The following DOCK8 variants were observed in gnomAD, a reference collection of about 807,000 sequenced individuals.
The protein encoded by DOCK8 is dedicator of cytokinesis 8, also known as dedicator of cytokinesis protein 8.
In DOCK8, 141 loss-of-function variants were observed where a neutral mutation model predicts 245.6. That is an observed-to-expected ratio of 0.57 (90% CI 0.50 to 0.66). The LOEUF (loss-of-function observed/expected upper bound fraction) is 0.66. Among genes scored for constraint, DOCK8 ranks in the 30% least tolerant of loss-of-function variants. The probability of loss-of-function intolerance (pLI) is 0.00; values close to 1 mark genes in which losing one functional copy is unlikely to be tolerated. For missense variants in DOCK8, 2,965 were observed against 2,603.4 expected (o/e 1.14, Z -3.02); for synonymous variants, 1,168 against 970.2 (o/e 1.20, Z -3.79).
chr9:349,239 A>T (rs185522904), intron 14 of DOCK8, among the ~76,000 whole-genome samples: 1 of 152,248 alleles, frequency 6.6e-6, no homozygotes. Context: ...ATCAGATGTC[A>T]TGTGTCTTTT....
At chr9:360,384 C>T (rs953717215) in intron 14 of DOCK8, among the ~76,000 whole-genome samples, 2 of 151,824 alleles carry the variant, frequency 1.3e-5, no homozygotes, top group Admixed American at 1.3e-4. Flanking sequence ...TACCCTTCCC[C>T]GAATATCCAT....
intron 1 of DOCK8, among the ~76,000 whole-genome samples, chr9:230,680 T>A (rs2047094271): frequency 6.6e-6 from 1 of 151,514 alleles, no homozygotes; most frequent in Non-Finnish European, 1.5e-5. Flanking sequence ...CATGTGTTTT[T>A]TGGCTGCATA....
chr9:290,235 C>A (rs1392785212), intron 4 of DOCK8, among the ~76,000 whole-genome samples: 2 of 152,012 alleles, frequency 1.3e-5, no homozygotes, highest in African/African-American at 4.8e-5. Flanking sequence ...TGTGGCCCAA[C>A]ACAAATTCAT....
At chr9:450,041 A>G in intron 45 of DOCK8, 114 bp downstream of exon 45, 1 of 1,213,288 alleles carries the variant, frequency 8.2e-7, no homozygotes, top group Non-Finnish European at 1.2e-6. Flanking sequence ...AGACAAACAC[A>G]GAAATGTTCC....
chr9:456,014 A>G (rs2057629302), intron 46 of DOCK8, among the ~76,000 whole-genome samples: 1 of 152,208 alleles, frequency 6.6e-6, no homozygotes, highest in Non-Finnish European at 1.5e-5. Context: ...GCTACAGACA[A>G]AACAGTACTG....
chr9:267,143 CT>C (rs929830611), intron 1 of DOCK8, among the ~76,000 whole-genome samples: 126 of 152,334 alleles, frequency 8.3e-4, no homozygotes, highest in African/African-American at 2.8e-3. Context: ...ATTTACATAA[CT>C]TTTAAACATC....
chr9:371,542 C>G lies in DOCK8; in HGVS notation c.1983C>G (p.Ser661=), dbSNP rs527914737. 1.1e-5 allele frequency: 17 copies of G among 1,614,198 alleles called. No individual in the cohort carries two copies. The African/African-American group carries it at 1.2e-4, about 11-fold the overall frequency. ...HISCQQKQGA[S]VETLLGYSWL... ...GCTGTCAGCAGAAGCAAGGAGCCTC[C>G]GTGGAAACTCTCCTGGGATATTCAG... The change falls in exon 17 of 48, where the codon TCC becomes TCG. Residue 661 remains serine (S), a synonymous_variant. Coordinates refer to ENST00000432829, the MANE Select transcript of DOCK8 (RefSeq NM_203447.4).
At chr9:305,517 C>T (rs1362485069) in intron 5 of DOCK8, among the ~76,000 whole-genome samples, 2 of 152,116 alleles carry the variant, frequency 1.3e-5, no homozygotes, top group African/African-American at 4.8e-5. Flanking sequence ...GATCTCCTGA[C>T]CTTGTGATCC....
intron 26 of DOCK8, among the ~76,000 whole-genome samples, chr9:400,382 T>C (rs1443637686): frequency 2.3e-3 from 20 of 8,582 alleles, no homozygotes; most frequent in Non-Finnish European, 3.5e-3. Context: ...TCCTTCACCA[T>C]CACCATCACC....
At chr9:271,053 A>C (rs928944767) in intron 1 of DOCK8, among the ~76,000 whole-genome samples, 1 of 152,224 alleles carries the variant, frequency 6.6e-6, no homozygotes, top group African/African-American at 2.4e-5. Flanking sequence ...AGCATTGTCC[A>C]CATGGGTGAT....
chr9:451,660 CATTTATACTTCT>C (rs1449112609), intron 45 of DOCK8, among the ~76,000 whole-genome samples: 2 of 151,836 alleles, frequency 1.3e-5, no homozygotes, highest in African/African-American at 2.4e-5. Context: ...AGGGAAAATA[CATTTATACTTCT>C]GAGTGTTCCT....
rs949308505 is a variant in DOCK8, at chr9:439,132, G to A, written c.5080-113G>A. On this transcript the variant is annotated intron_variant, in intron 39 of 47. Transcript: ENST00000432829. ...AGAATTACAGACCTAGTTTAGTCACGGTCTTGGTAAGGATCTGCACACCAG... is the reference window on the plus strand; with the variant it reads ...AGAATTACAGACCTAGTTTAGTCACAGTCTTGGTAAGGATCTGCACACCAG... 2.1e-5 allele frequency: 28 copies of A among 1,365,456 alleles called. 1 individual carries two copies. In the Middle Eastern group the frequency reaches 9.1e-4, roughly 44 times the overall value. The allele number at this position is 1,365,456 out of a possible 1,614,324, so 84.6% of individuals were successfully genotyped here.
At chr9:297,645 T>TA (rs2049321309) in intron 4 of DOCK8, among the ~76,000 whole-genome samples, 3 of 152,210 alleles carry the variant, frequency 2.0e-5, no homozygotes, top group Non-Finnish European at 4.4e-5. Flanking sequence ...GCAGTCTCAC[T>TA]GCCTACCCAG....
At chr9:283,812 G>A (rs2048698078) in intron 2 of DOCK8, among the ~76,000 whole-genome samples, 1 of 152,106 alleles carries the variant, frequency 6.6e-6, no homozygotes, top group South Asian at 2.1e-4. Context: ...TGTGTATAAG[G>A]TGTATATGAA....
chr9:368,479 T>C lies in DOCK8; in HGVS notation c.1797+344T>C. 3 of 597,136 alleles carry C rather than the reference T, an allele frequency of 5.0e-6. No homozygotes were observed. The Admixed American group carries it at 8.7e-5, about 17-fold the overall frequency. 37.0% of individuals were successfully genotyped at this position (597,136 alleles called of 1,614,324 possible). A position where few individuals can be genotyped will look rare whatever the true frequency, so the allele number is the denominator to read the frequency against. ...CAACACGTGCGCCATGTTTGCTGAG[T>C]GTCTTCCATGCACAAACTGTACACA... On this transcript the variant is annotated intron_variant, in intron 15 of 47. Transcript: ENST00000432829.
intron 6 of DOCK8, 164 bp downstream of exon 6, chr9:312,330 G>A (rs2050162374): frequency 2.5e-6 from 2 of 787,976 alleles, no homozygotes; most frequent in Non-Finnish European, 2.2e-6. Context: ...GTGTGTCATA[G>A]CAGAGCCATT....
intron 12 of DOCK8, 30 bp from the exon 13 acceptor site, chr9:338,976 C>G (rs1271957579): frequency 1.1e-5 from 18 of 1,599,536 alleles, no homozygotes; most frequent in Non-Finnish European, 1.4e-5. Flanking sequence ...AAAGGTGCAT[C>G]TACATTAACT....
chr9:431,350 T>G (rs997819568), intron 36 of DOCK8, among the ~76,000 whole-genome samples: 2 of 152,176 alleles, frequency 1.3e-5, no homozygotes, highest in African/African-American at 2.4e-5. Context: ...TGGAAAAAAG[T>G]CAGCCTCCTC....
upstream of DOCK8, chr9:214,486 T>A: frequency 6.2e-7 from 1 of 1,608,622 alleles, no homozygotes; most frequent in Non-Finnish European, 8.5e-7. Flanking sequence ...GAGAATGGTG[T>A]CAACCCTTAA....
Sources: allele counts gnomAD v4.1 joint callset (sites outside exome capture counted in the v4.1 genomes callset), GRCh38; gene constraint gnomAD v4.1.1; transcripts MANE v1.5; gene names NCBI Gene and HGNC (gene_info 2026-07-23, HGNC 2026-07-21).